Variants in LMAN2 observed in about 807,000 individuals in gnomAD.
LMAN2 encodes lectin, mannose binding 2.
In LMAN2, 22 loss-of-function variants were observed where a neutral mutation model predicts 39.3. The observed-to-expected ratio is 0.56, with a 90% CI of 0.40 to 0.80. LMAN2 has a LOEUF of 0.80. Ranked by LOEUF, LMAN2 falls within the 30% of genes least tolerant of loss-of-function variation. The pLI is 0.00. For missense variants in LMAN2, 494 were observed against 505.4 expected, an observed-to-expected ratio of 0.98 and a Z score of 0.22; for synonymous variants, 207 against 207.8, an observed-to-expected ratio of 1.00 and a Z score of 0.03.
Position 177,351,476 on chromosome 5 carries a change from G to A in LMAN2, c.172C>T (p.His58Tyr), listed in dbSNP as rs780571820. 3.1e-6 allele frequency: 5 copies of A among 1,613,518 alleles called. No homozygotes were observed. In the East Asian group the frequency reaches 8.9e-5, roughly 29 times the overall value. Residue 58 changes from histidine (H) to tyrosine (Y), a missense_variant, in exon 1 of 8, where the codon CAT (histidine) becomes TAT (tyrosine). Coordinates refer to ENST00000303127, the MANE Select transcript of LMAN2 (RefSeq NM_006816.3). ...CCTTGGTAGGGCTTAATGAGCGAAT[G>A]CTCCCGCTTGAGATGTTCACTGTTG... ...DGNSEHLKRE[H>Y]SLIKPYQGVG... is the part of the protein sequence containing the mutation.
chr5:177,345,040 C>A (rs973697727), intron 2 of LMAN2, among the ~76,000 whole-genome samples: 1 of 151,750 alleles, frequency 6.6e-6, no homozygotes, highest in African/African-American at 2.4e-5. Context: ...GCCATGACAT[C>A]TTTTAAATGC....
At chr5:177,350,214 A>T (rs577329712) in intron 2 of LMAN2, among the ~76,000 whole-genome samples, 1 of 152,326 alleles carries the variant, frequency 6.6e-6, no homozygotes, top group Non-Finnish European at 1.5e-5. Flanking sequence ...GTGGGTTCCC[A>T]GAACTAAACA....
rs1285549059 is a variant in LMAN2 at position 177,332,038 on chromosome 5, T to G, written c.*48A>C. ...TTTATAATCCCGGTAAAAAAAAAAG[T>G]TCACATTGGCTCCTGGGCCCAGGGA... On this transcript the variant is annotated 3_prime_UTR_variant, in exon 8 of 8. Coordinates refer to ENST00000303127, the MANE Select transcript of LMAN2 (RefSeq NM_006816.3). This position sits in a 1 kb window ranked among gnomAD's most constrained non-coding sequence, Gnocchi z 6.3. 5 of 1,525,428 alleles carry G rather than the reference T, an allele frequency of 3.3e-6. No individual in the cohort carries two copies. The highest frequency in any genetic ancestry group is 2.5e-5 in the South Asian group (2 of 81,386). The allele number at this position is 1,525,428 out of a possible 1,614,324, so 94.5% of individuals were successfully genotyped here.
Position 177,332,203 on chromosome 5 carries a change from C to T in LMAN2, c.954G>A (p.Leu318=). 6.2e-7 allele frequency: 1 copy of T among 1,613,334 alleles called. No homozygotes were observed. Among genetic ancestry groups the T allele is most frequent in the Non-Finnish European group, 8.5e-7 (1 of 1,179,874 alleles). Residue 318 remains leucine, a synonymous_variant, in exon 8 of 8, where the codon CTG becomes CTA. Transcript: ENST00000303127. The surrounding 1 kb of genome is among the most constrained non-coding windows in gnomAD (Gnocchi z 6.3). The stretch of plus-strand genomic sequence containing the variant: ...GCAGCAGGAACACCCGCCACCCCGT[C>T]AGGGGCCCGCTGCGGAAGTTCCCCG... ...DPTGNFRSGP[L]TGWRVFLLLL...
In LMAN2 at chr5:177,332,333, C is replaced by A; in HGVS notation, c.911-87G>T. 7.8e-7 allele frequency: 1 copy of A among 1,285,042 alleles called. No homozygotes were observed. Among genetic ancestry groups the A allele is most frequent in the South Asian group, 1.3e-5 (1 of 75,170 alleles). The allele number at this position is 1,285,042 out of a possible 1,614,324, so 79.6% of individuals were successfully genotyped here. A position where few individuals can be genotyped will look rare whatever the true frequency, so the allele number is the denominator to read the frequency against. ...GGAGGGCAGTGGGGATGGAACAGGA[C>A]AGCCGGCCACGGTGGGCAGGCCGGT... On this transcript the variant is annotated intron_variant, in intron 7 of 7. Coordinates refer to ENST00000303127, the MANE Select transcript of LMAN2 (RefSeq NM_006816.3). The surrounding 1 kb of genome is among the most constrained non-coding windows in gnomAD (Gnocchi z 6.3).
intron 2 of LMAN2, 137 bp downstream of exon 2, chr5:177,351,036 G>A: frequency 2.6e-6 from 2 of 757,168 alleles, no homozygotes; most frequent in Admixed American, 3.6e-5. Context: ...TCTTATTATT[G>A]GTGGGTGTGA....
intron 2 of LMAN2, among the ~76,000 whole-genome samples, chr5:177,349,977 G>A (rs1051366327): frequency 1.1e-4 from 16 of 152,202 alleles, no homozygotes; most frequent in African/African-American, 3.4e-4. Flanking sequence ...GGCAGCCAGG[G>A]GGGGCTGGAA....
intron 7 of LMAN2, among the ~76,000 whole-genome samples, chr5:177,333,910 G>A (rs1247673297): frequency 1.3e-5 from 2 of 152,210 alleles, no homozygotes; most frequent in African/African-American, 4.8e-5. Context: ...CCAGCCCCCT[G>A]GCTCTGCTGG....
In LMAN2 at chr5:177,342,243, T is replaced by C. The variant is rs1174037496; in HGVS notation, c.316-3638A>G. Among the ~76,000 whole-genome samples, 4 of 152,154 alleles carry C rather than the reference T, an allele frequency of 2.6e-5. No homozygotes were observed. In the East Asian group the frequency reaches 7.7e-4, roughly 29 times the overall value. On this transcript the variant is annotated intron_variant, in intron 2 of 7. Transcript: ENST00000303127. ...TAAAGAGGCCAGGTGCAGTAGCTCA[T>C]ACCTGTAGTCCCAGCACCTTGGGAG... is the stretch of plus-strand genomic sequence containing the variant.
intron 2 of LMAN2, among the ~76,000 whole-genome samples, chr5:177,343,089 T>C (rs1325932499): frequency 6.6e-6 from 1 of 151,930 alleles, no homozygotes; most frequent in Non-Finnish European, 1.5e-5. Flanking sequence ...CTGTCTCTAC[T>C]AAAAATATTA....
At chr5:177,349,026 A>C (rs1247066688) in intron 2 of LMAN2, among the ~76,000 whole-genome samples, 2 of 152,214 alleles carry the variant, frequency 1.3e-5, no homozygotes, top group Admixed American at 1.3e-4. Context: ...CTAATGACAA[A>C]CAATTTTTGA....
chr5:177,337,377 G>C lies in LMAN2; in HGVS notation c.661C>G (p.Arg221Gly). Residue 221 changes from arginine (R) to glycine (G), a missense_variant, in exon 5 of 8, where the codon CGG (arginine) becomes GGG (glycine). By Grantham distance (125) the Arg-to-Gly change is moderately radical (BLOSUM62 -2). Transcript: ENST00000303127. The surrounding 1 kb of genome is among the most constrained non-coding windows in gnomAD (Gnocchi z 8.2). ...AGCCTGCTCACCGTCAGACGGCCCC[G>C]GGAGTAGCGCACAGCCAGGAAGGTG... Reference protein sequence around the residue: ...HDTFLAVRYSRGRLTVMTDLE... With the variant: ...HDTFLAVRYSGGRLTVMTDLE... 6.2e-7 allele frequency: 1 copy of C among 1,611,552 alleles called. No homozygotes were observed. The highest frequency in any genetic ancestry group is 8.5e-7 in the Non-Finnish European group (1 of 1,179,938).
rs1761717136 is a variant in LMAN2, at chr5:177,351,190, A to C, written c.298T>G (p.Ser100Ala). The C allele has an allele frequency of 6.8e-6, 11 of 1,614,116 alleles. No homozygotes were observed. The highest frequency in any genetic ancestry group is 9.3e-6 in the Non-Finnish European group (11 of 1,179,986). Residue 100 changes from serine to alanine, a missense_variant, in exon 2 of 8, where the codon TCT becomes GCT. Physicochemically the swap from Ser to Ala is moderately conservative, Grantham distance 99. Transcript: ENST00000303127. ...LTPDERSKEGSIWNHQPCFLK... is the reference protein window; with the variant it reads ...LTPDERSKEGAIWNHQPCFLK... The stretch of plus-strand genomic sequence containing the variant: ...CCACTCACCTGGTGGTTCCAGATAG[A>C]GCCCTCTTTGCTGCGCTCGTCAGGG...
chr5:177,333,312 G>T (rs1401005374), intron 7 of LMAN2, among the ~76,000 whole-genome samples: 1 of 152,224 alleles, frequency 6.6e-6, no homozygotes, highest in Non-Finnish European at 1.5e-5. Context: ...GGCAGCTTTG[G>T]TCACATCTGA....
chr5:177,341,271 G>T (rs1233787496), intron 2 of LMAN2, among the ~76,000 whole-genome samples: 1 of 151,002 alleles, frequency 6.6e-6, no homozygotes, highest in African/African-American at 2.4e-5. Flanking sequence ...TCTCCATGTT[G>T]GTCAGGCTGG....
chr5:177,337,564 C>A lies in LMAN2; in HGVS notation c.514-40G>T. On this transcript the variant is annotated intron_variant, in intron 4 of 7. Transcript: ENST00000303127. The surrounding 1 kb of genome is among the most constrained non-coding windows in gnomAD (Gnocchi z 8.2). ...TCGGTTACTCCACAAGCAGCCCAGC[C>A]TGTGGGGCGAGCAGGGGCACCCACC... is the stretch of plus-strand genomic sequence containing the variant. 1.2e-6 allele frequency: 2 copies of A among 1,610,058 alleles called. No individual in the cohort carries two copies. Among genetic ancestry groups the A allele is most frequent in the Non-Finnish European group, 1.7e-6 (2 of 1,176,778 alleles).
At chr5:177,342,982 G>A (rs569152021) in intron 2 of LMAN2, among the ~76,000 whole-genome samples, 57 of 152,116 alleles carry the variant, frequency 3.7e-4, no homozygotes, top group African/African-American at 1.1e-3. Flanking sequence ...GGCCGGGCGC[G>A]GTGGCTCATG....
intron 2 of LMAN2, among the ~76,000 whole-genome samples, chr5:177,343,594 C>T (rs552269210): frequency 1.7e-5 from 2 of 117,316 alleles, no homozygotes; most frequent in East Asian, 3.9e-4. Context: ...CACACACACA[C>T]GAATATTACT....
At chr5:177,343,060 T>A (rs937449710) in intron 2 of LMAN2, among the ~76,000 whole-genome samples, 1 of 152,080 alleles carries the variant, frequency 6.6e-6, no homozygotes, top group African/African-American at 2.4e-5. Context: ...GAGACCGTCC[T>A]GGCTAACACG....
Sources: allele counts gnomAD v4.1 joint callset (sites outside exome capture counted in the v4.1 genomes callset), GRCh38; gene constraint gnomAD v4.1.1; non-coding constraint Gnocchi (gnomAD v3.1); transcripts MANE v1.5; gene names NCBI Gene and HGNC (gene_info 2026-07-23, HGNC 2026-07-21).